Variants in FOXP2 observed in about 807,000 individuals in gnomAD.
The protein encoded by FOXP2 is forkhead box protein P2.
In FOXP2, 12 loss-of-function variants were observed where a neutral mutation model predicts 115.8. The observed-to-expected ratio is 0.10, with a 90% confidence interval of 0.07 to 0.17. The LOEUF (loss-of-function observed/expected upper bound fraction) is 0.17. Ranked by LOEUF, FOXP2 falls within the 10% of genes least tolerant of loss-of-function variation. FOXP2 has a pLI of 1.00. For missense variants in FOXP2, 629 were observed against 843.5 expected (o/e 0.75, Z 3.15); for synonymous variants, 328 against 297.7 (o/e 1.10, Z -1.05).
intron 3 of FOXP2, among the ~76,000 whole-genome samples, chr7:114,626,028 G>A (rs953351665): frequency 1.3e-5 from 2 of 151,616 alleles, no homozygotes; most frequent in African/African-American, 4.8e-5. Context: ...CAGTTTCCTA[G>A]AAGGTAGGCC....
intron 1 of FOXP2, among the ~76,000 whole-genome samples, chr7:114,238,763 C>T (rs967823476): frequency 7.3e-6 from 1 of 136,280 alleles, no homozygotes; most frequent in African/African-American, 2.5e-5. Context: ...CAGAGCTAGA[C>T]TCTATCTGGG....
chr7:114,184,373 T>C (rs974613778), intron 1 of FOXP2, among the ~76,000 whole-genome samples: 18 of 152,192 alleles, frequency 1.2e-4, no homozygotes, highest in African/African-American at 4.1e-4. Flanking sequence ...AGCCTTTCTA[T>C]TCCGGAATTT....
chr7:114,187,509 A>C (rs987638379), intron 1 of FOXP2, among the ~76,000 whole-genome samples: 1 of 152,094 alleles, frequency 6.6e-6, no homozygotes, highest in Admixed American at 6.5e-5. Context: ...TTCTGGTCAC[A>C]ACCACTTATC....
chr7:114,495,515 T>C (rs13237227), intron 2 of FOXP2, among the ~76,000 whole-genome samples: 2 of 130,446 alleles, frequency 1.5e-5, no homozygotes, highest in South Asian at 2.6e-4. Flanking sequence ...TTTTTTTTTG[T>C]TATTGTTGAG....
chr7:114,308,860 C>T (rs917916665), intron 2 of FOXP2, among the ~76,000 whole-genome samples: 7 of 152,086 alleles, frequency 4.6e-5, no homozygotes, highest in Non-Finnish European at 8.8e-5. Context: ...CCATTGTAAT[C>T]CAAAAAGTCT....
chr7:114,629,670 A>G lies in FOXP2; in HGVS notation c.397-135A>G, dbSNP rs752876799. ...ATGTAGAGCTGTCTCTTTGAATCCAATGTATATTTTTTGTTGTTTTTATGG... is the reference window on the plus strand; with the variant it reads ...ATGTAGAGCTGTCTCTTTGAATCCAGTGTATATTTTTTGTTGTTTTTATGG... On this transcript the variant is annotated intron_variant, in intron 4 of 16. Transcript: ENST00000350908. 5.6e-6 allele frequency: 9 copies of G among 1,600,930 alleles called. No homozygotes were observed. The African/African-American group carries it at 8.0e-5, about 14-fold the overall frequency.
At chr7:114,611,427 C>T (rs1305634133) in intron 3 of FOXP2, among the ~76,000 whole-genome samples, 4 of 152,118 alleles carry the variant, frequency 2.6e-5, no homozygotes, top group African/African-American at 7.2e-5. Flanking sequence ...CATAACATTT[C>T]TTCATTAATT....
At chr7:114,671,784 A>T (rs1182992690) in intron 16 of FOXP2, among the ~76,000 whole-genome samples, 1 of 152,208 alleles carries the variant, frequency 6.6e-6, no homozygotes, top group Non-Finnish European at 1.5e-5. Context: ...GCATTTAATA[A>T]ATAAAGAGAC....
At chr7:114,357,614 G>A (rs1392091483) in intron 2 of FOXP2, among the ~76,000 whole-genome samples, 1 of 152,088 alleles carries the variant, frequency 6.6e-6, no homozygotes, top group Non-Finnish European at 1.5e-5. Flanking sequence ...CCCAGAAACT[G>A]GAGAGCTTAT....
At chr7:114,300,514 T>C (rs1388682311) in intron 2 of FOXP2, among the ~76,000 whole-genome samples, 1 of 152,060 alleles carries the variant, frequency 6.6e-6, no homozygotes, top group East Asian at 1.9e-4. Flanking sequence ...CCCATTTTTT[T>C]CCTGAAACAA....
At chr7:114,086,721 C>G (rs530103399), upstream of FOXP2, 1 of 227,536 alleles carries the variant, frequency 4.4e-6, no homozygotes, top group African/African-American at 2.4e-5. Flanking sequence ...GCGCTCCTCC[C>G]GCGGTGGCGA....
chr7:114,548,092 T>C (rs1241908870), intron 3 of FOXP2, among the ~76,000 whole-genome samples: 1 of 152,330 alleles, frequency 6.6e-6, no homozygotes, highest in East Asian at 1.9e-4. Context: ...TCTGCCCCTA[T>C]GTAGCTTTTG....
At chr7:114,141,694 G>A (rs961342584) in intron 1 of FOXP2, among the ~76,000 whole-genome samples, 33 of 152,054 alleles carry the variant, frequency 2.2e-4, no homozygotes, top group East Asian at 1.9e-4. Context: ...TGTGTGTGGC[G>A]GCATGAATAA....
chr7:114,604,970 G>T (rs910683030), intron 3 of FOXP2, among the ~76,000 whole-genome samples: 1 of 152,146 alleles, frequency 6.6e-6, no homozygotes, highest in Non-Finnish European at 1.5e-5. Context: ...GAGCCCATAA[G>T]AAATGGGCAG....
intron 1 of FOXP2, among the ~76,000 whole-genome samples, chr7:114,195,472 TTA>T (rs1793879634): frequency 1.3e-5 from 2 of 152,150 alleles, no homozygotes; most frequent in Non-Finnish European, 2.9e-5. Flanking sequence ...TGTATGATGT[TTA>T]TATATAATTA....
At chr7:114,611,482 C>A (rs1803625956) in intron 3 of FOXP2, among the ~76,000 whole-genome samples, 1 of 152,024 alleles carries the variant, frequency 6.6e-6, no homozygotes, top group African/African-American at 2.4e-5. Flanking sequence ...GTGTCAAATG[C>A]CACACTAAGC....
At chr7:114,681,546 G>T (rs1312612241) in intron 16 of FOXP2, among the ~76,000 whole-genome samples, 1 of 152,146 alleles carries the variant, frequency 6.6e-6, no homozygotes, top group Non-Finnish European at 1.5e-5. Flanking sequence ...GCCTGTGATG[G>T]ATGACTGAGG....
chr7:114,174,769 GT>G (rs1209861586), intron 1 of FOXP2, among the ~76,000 whole-genome samples: 7 of 152,216 alleles, frequency 4.6e-5, no homozygotes, highest in Non-Finnish European at 8.8e-5. Context: ...CAAGGCACCA[GT>G]TTCCTGAGAA....
At chr7:114,634,636 T>C (rs1392534448) in intron 6 of FOXP2, among the ~76,000 whole-genome samples, 1 of 152,026 alleles carries the variant, frequency 6.6e-6, no homozygotes, top group African/African-American at 2.4e-5. Flanking sequence ...AGTATAGGTA[T>C]ATAGGTATAT....
Sources: gnomAD v4.1 joint callset for allele counts (sites outside exome capture counted in the v4.1 genomes callset) on GRCh38, gnomAD v4.1.1 for gene constraint, MANE v1.5 for transcripts, NCBI Gene and HGNC (gene_info 2026-07-23, HGNC 2026-07-21) for gene names.